The following OPTN variants were observed in gnomAD, a reference collection of about 807,000 sequenced individuals.
The protein encoded by OPTN is E3-14.7K-interacting protein.
OPTN carries 54 observed loss-of-function variants against 70.4 expected under a neutral mutation model. The ratio of observed to expected loss-of-function variants is 0.77; its 90% CI spans 0.62 to 0.96. OPTN has a LOEUF of 0.96. Among genes scored for constraint, OPTN ranks in the 40% least tolerant of loss-of-function variants. OPTN has a pLI of 0.00. For missense variants in OPTN, 624 were observed against 673.2 expected, an observed-to-expected ratio of 0.93 and a Z score of 0.81; for synonymous variants, 256 against 248.5, an observed-to-expected ratio of 1.03 and a Z score of -0.28.
At chr10:13,126,342 G>C (rs1307751621) in intron 11 of OPTN, among the ~76,000 whole-genome samples, 1 of 148,434 alleles carries the variant, frequency 6.7e-6, no homozygotes. Flanking sequence ...GTGCAGTGGC[G>C]CGATCTCGGC....
rs181957390 is a variant in OPTN at position 13,130,396 on chromosome 10, G to A, written c.1402-1671G>A. Among the ~76,000 whole-genome samples the A allele has an allele frequency of 1.5e-4, 18 of 120,592 alleles. No homozygotes were observed. In the East Asian group the frequency reaches 4.8e-3, roughly 32 times the overall value. The allele number at this position is 120,592 out of a possible 152,430, so 79.1% of individuals were successfully genotyped here. ...GCCGAGATCATGCCACTGCACTCCA[G>A]CCTGGGCGACAGAGCGAGACTCTAT... is the stretch of plus-strand genomic sequence containing the variant. On this transcript the variant is annotated intron_variant, in intron 12 of 14. Coordinates refer to ENST00000378747, the MANE Select transcript of OPTN (RefSeq NM_001008212.2).
In OPTN at chr10:13,110,326, G is replaced by A. The variant is rs1430621754; in HGVS notation, c.219G>A (p.Ser73=). Residue 73 remains serine (S), a synonymous_variant, in exon 4 of 15, where the codon TCG becomes TCA. Transcript: ENST00000378747. The stretch of plus-strand genomic sequence containing the variant: ...TGAAAGGGAGATTTGAGGAGCTTTC[G>A]GCCTGGACAGAGAAACAGAAGGAAG... The part of the protein sequence containing the change: ...QAMKGRFEEL[S]AWTEKQKEER... The A allele has an allele frequency of 1.5e-5, 25 of 1,613,902 alleles. No homozygotes were observed. Among genetic ancestry groups the A allele is most frequent in the African/African-American group, 8.0e-5 (6 of 74,892 alleles).
chr10:13,123,317 C>A (rs1349274987), intron 8 of OPTN: 1 of 152,564 alleles, frequency 6.6e-6, no homozygotes, highest in Non-Finnish European at 1.5e-5. Context: ...CCATAGGGGC[C>A]CACGTGAAAG....
chr10:13,119,697 C>T (rs1588443893), intron 7 of OPTN, among the ~76,000 whole-genome samples: 1 of 152,322 alleles, frequency 6.6e-6, no homozygotes, highest in East Asian at 1.9e-4. Flanking sequence ...ACTTTCTCCA[C>T]GTCCATACCA....
chr10:13,100,327 C>G (rs4748020), intron 1 of OPTN, 25 bp downstream of exon 1: 28,655 of 152,356 alleles, frequency 0.19, 3,090 homozygotes, highest in East Asian at 0.31. Context: ...GGGGCTGCAG[C>G]GGTGGGCGAG....
chr10:13,103,005 C>G (rs1832783717), intron 1 of OPTN, among the ~76,000 whole-genome samples: 1 of 151,544 alleles, frequency 6.6e-6, no homozygotes, highest in South Asian at 2.1e-4. Context: ...TTTGGTGACC[C>G]ATTAGACTTG....
intron 1 of OPTN, among the ~76,000 whole-genome samples, chr10:13,102,353 G>C (rs1832770004): frequency 6.6e-6 from 1 of 152,224 alleles, no homozygotes. Context: ...GTCGTGTATG[G>C]GAAGGGTGGA....
intron 1 of OPTN, among the ~76,000 whole-genome samples, chr10:13,106,838 A>G (rs898177109): frequency 8.5e-5 from 13 of 152,176 alleles, no homozygotes; most frequent in African/African-American, 2.4e-4. Context: ...TCTTATCTCT[A>G]TCTTCCAGGG....
At chr10:13,108,882 G>GCA (rs1330121705) in intron 2 of OPTN, 48 of 499,940 alleles carry the variant, frequency 9.6e-5, no homozygotes, top group East Asian at 1.9e-4. Context: ...ACACACACAC[G>GCA]CACACACACA....
At chr10:13,110,675 A>G (rs1832976992) in intron 4 of OPTN, among the ~76,000 whole-genome samples, 199 bp downstream of exon 4, 1 of 152,210 alleles carries the variant, frequency 6.6e-6, no homozygotes, top group Non-Finnish European at 1.5e-5. Flanking sequence ...CTTTTAGAAG[A>G]AAGAAATTTG....
intron 5 of OPTN, among the ~76,000 whole-genome samples, chr10:13,113,879 G>A (rs972892928): frequency 3.3e-5 from 5 of 151,760 alleles, no homozygotes; most frequent in Non-Finnish European, 4.4e-5. Context: ...GCAACCTGGC[G>A]AAACCCTGTG....
chr10:13,103,135 A>C (rs749071371), intron 1 of OPTN, among the ~76,000 whole-genome samples: 1 of 152,154 alleles, frequency 6.6e-6, no homozygotes, highest in Non-Finnish European at 1.5e-5. Context: ...TATCCCTTCT[A>C]GTGTGTAATG....
chr10:13,130,144 C>T (rs1032202864), intron 12 of OPTN, among the ~76,000 whole-genome samples: 4 of 151,980 alleles, frequency 2.6e-5, no homozygotes, highest in Admixed American at 2.6e-4. Context: ...ATGTCAGAGA[C>T]GGCCGGGCAT....
chr10:13,102,100 C>T (rs1832760238), intron 1 of OPTN, among the ~76,000 whole-genome samples: 2 of 152,114 alleles, frequency 1.3e-5, no homozygotes, highest in Non-Finnish European at 2.9e-5. Context: ...TGACACAGGA[C>T]ATCATATTTA....
At chr10:13,130,417 T>C (rs1833568703) in intron 12 of OPTN, among the ~76,000 whole-genome samples, 1 of 94,484 alleles carries the variant, frequency 1.1e-5, no homozygotes, top group Non-Finnish European at 1.9e-5. Flanking sequence ...AGAGCGAGAC[T>C]CTATCTCAAA....
chr10:13,107,311 G>T (rs1204474318), intron 1 of OPTN, among the ~76,000 whole-genome samples: 1 of 151,294 alleles, frequency 6.6e-6, no homozygotes, highest in African/African-American at 2.4e-5. Flanking sequence ...GGAGGTGGAG[G>T]TTGCAGTGAG....
rs969298062 is a variant in OPTN at position 13,137,445 on chromosome 10, C to T, written c.*579C>T. ...TAATATTTTTTATGTTTGGTTGATG[C>T]GAGCAGCTGCACTGCTCATGCAGTT... On this transcript the variant is annotated 3_prime_UTR_variant, in exon 15 of 15. Coordinates refer to ENST00000378747, the MANE Select transcript of OPTN (RefSeq NM_001008212.2). The T allele has an allele frequency of 2.1e-5, 5 of 233,398 alleles. No individual in the cohort carries two copies. Among genetic ancestry groups the T allele is most frequent in the Non-Finnish European group, 3.4e-5 (4 of 117,626 alleles). The allele number at this position is 233,398 out of a possible 1,614,324, so 14.5% of individuals were successfully genotyped here.
chr10:13,117,446 T>TTTG lies in OPTN; in HGVS notation c.626+1108_626+1109insGTT, dbSNP rs1297470748. 6.6e-3 allele frequency among the ~76,000 whole-genome samples: 240 copies of TTTG among 36,546 alleles called. 5 individuals carry two copies. Among genetic ancestry groups the TTTG allele is most frequent in the African/African-American group, 0.02 (216 of 10,646 alleles). 24.0% of individuals were successfully genotyped at this position (36,546 alleles called of 152,430 possible). A position where few individuals can be genotyped will look rare whatever the true frequency, so the allele number is the denominator to read the frequency against. On this transcript the variant is annotated intron_variant, in intron 6 of 14. Coordinates refer to ENST00000378747, the MANE Select transcript of OPTN (RefSeq NM_001008212.2). Reference sequence around the variant, plus strand: ...TTTTTTTTTTGAGATGGAGTTTTTTTTTTTTTTTTTTTTTTTTGAGATGGA... The same window carrying TTTG: ...TTTTTTTTTTGAGATGGAGTTTTTTTTTGTTTTTTTTTTTTTTTTTGAGATGGA...
Position 13,116,274 on chromosome 10 carries a change from A to G in OPTN, c.560A>G (p.Glu187Gly). ...GCATTTCTGTTTTCACAGGAAGGAG[A>G]AGCAGAAGGGTCAGTAAAAGAAATC... ...SFVEIRMAEG[E>G]AEGSVKEIKH... Residue 187 changes from glutamate (E) to glycine (G), a missense_variant, in exon 6 of 15, where the codon GAA becomes GGA. Transcript: ENST00000378747. 6.2e-7 allele frequency: 1 copy of G among 1,606,922 alleles called. No individual in the cohort carries two copies. Among genetic ancestry groups the G allele is most frequent in the South Asian group, 1.1e-5 (1 of 90,950 alleles).
Sources: gnomAD v4.1 joint callset for allele counts (sites outside exome capture counted in the v4.1 genomes callset) on GRCh38, gnomAD v4.1.1 for gene constraint, MANE v1.5 for transcripts, NCBI Gene and HGNC (gene_info 2026-07-23, HGNC 2026-07-21) for gene names.